FRMPD4: variants seen among roughly 807,000 people sequenced by gnomAD.
FRMPD4 encodes FERM and PDZ domain-containing protein 4.
FRMPD4 carries 22 observed loss-of-function variants against 94.1 expected under a neutral mutation model. The observed-to-expected ratio is 0.23, with a 90% CI of 0.17 to 0.33. The LOEUF (loss-of-function observed/expected upper bound fraction) is 0.33, where lower values mean the gene tolerates loss of function less well. FRMPD4 is among the 10% of genes least tolerant of loss of function. FRMPD4 has a pLI of 1.00. For missense variants in FRMPD4, 1,111 were observed against 1,339.9 expected (o/e 0.83, Z 2.67); for synonymous variants, 631 against 548.6 (o/e 1.15, Z -2.10).
chrX:12,708,007 A>C (rs897031282), intron 13 of FRMPD4, among the ~76,000 whole-genome samples: 18 of 112,076 alleles, frequency 1.6e-4, no homozygotes, highest in African/African-American at 5.8e-4. Context: ...ATCAAGAGGG[A>C]GATTTTTCCC....
intron 9 of FRMPD4, 139 bp from the exon 10 acceptor site, chrX:12,701,734 TG>T: frequency 1.8e-6 from 1 of 560,160 alleles, no homozygotes; most frequent in Non-Finnish European, 2.9e-6. Flanking sequence ...AGCAGCACGG[TG>T]GAGATGTTTC....
intron 1 of FRMPD4, among the ~76,000 whole-genome samples, chrX:11,844,988 C>T (rs1303857283): frequency 2.7e-5 from 3 of 111,629 alleles, no homozygotes; most frequent in Admixed American, 1.9e-4. Context: ...CTGTTGTGCC[C>T]GTCCGATGAA....
At chrX:12,336,808 G>A (rs147671882) in intron 1 of FRMPD4, among the ~76,000 whole-genome samples, 4 of 112,311 alleles carry the variant, frequency 3.6e-5, no homozygotes, top group African/African-American at 1.3e-4. Flanking sequence ...AAGCTTTTCT[G>A]TTTAGCTGCA....
chrX:12,118,751 A>G (rs6640901), intron 3 of FRMPD4, among the ~76,000 whole-genome samples: 8,813 of 111,868 alleles, frequency 0.079, 889 homozygotes, highest in East Asian at 0.59. Flanking sequence ...GAGATGTAGT[A>G]CATTTATATT....
intron 1 of FRMPD4, among the ~76,000 whole-genome samples, chrX:12,153,882 C>G (rs887677875): frequency 1.8e-5 from 2 of 112,421 alleles, no homozygotes; most frequent in African/African-American, 6.5e-5. Context: ...TATTTCATGA[C>G]ACATGAAAAT....
chrX:12,445,763 G>T (rs1218539560), intron 1 of FRMPD4, among the ~76,000 whole-genome samples: 1 of 112,058 alleles, frequency 8.9e-6, no homozygotes, highest in African/African-American at 3.2e-5. Context: ...TGGTAAGTGG[G>T]GTATTGTTAT....
chrX:12,679,885 G>T (rs1057245930), intron 5 of FRMPD4, among the ~76,000 whole-genome samples: 1 of 111,156 alleles, frequency 9.0e-6, no homozygotes, highest in Non-Finnish European at 1.9e-5. Flanking sequence ...TCACCTACCT[G>T]GGATTCCTGT....
chrX:12,408,437 A>G (rs369057194), intron 1 of FRMPD4, among the ~76,000 whole-genome samples: 3 of 111,027 alleles, frequency 2.7e-5, no homozygotes, highest in East Asian at 2.8e-4. Flanking sequence ...TAAGTTTTCA[A>G]TTGCACTTTG....
At chrX:12,619,480 A>G (rs187853220) in intron 4 of FRMPD4, among the ~76,000 whole-genome samples, 1 of 111,669 alleles carries the variant, frequency 9.0e-6, no homozygotes, top group East Asian at 2.8e-4. Context: ...GTAGGTCACT[A>G]AACCCTGGTG....
At chrX:12,478,212 G>A (rs2057627905) in intron 1 of FRMPD4, among the ~76,000 whole-genome samples, 1 of 111,309 alleles carries the variant, frequency 9.0e-6, no homozygotes, top group Non-Finnish European at 1.9e-5. Context: ...TCTGGAGTAG[G>A]CCAGGATGTT....
chrX:12,229,214 T>G (rs1225833335), intron 1 of FRMPD4, among the ~76,000 whole-genome samples: 1 of 111,743 alleles, frequency 8.9e-6, no homozygotes, highest in Non-Finnish European at 1.9e-5. Flanking sequence ...GTTGTTTGCT[T>G]TTTTTTCCCG....
At chrX:12,454,800 G>GT (rs1555968582) in intron 1 of FRMPD4, among the ~76,000 whole-genome samples, 1 of 94,597 alleles carries the variant, frequency 1.1e-5, no homozygotes, top group East Asian at 3.5e-4. Context: ...ATGAGGTTTG[G>GT]AGTTAGAAAG....
chrX:12,136,414 A>G (rs1023750409), upstream of FRMPD4, among the ~76,000 whole-genome samples: 2 of 111,385 alleles, frequency 1.8e-5, no homozygotes, highest in Non-Finnish European at 3.8e-5. Context: ...AGAAAAAAGA[A>G]TAAAACAGTT....
At chrX:12,164,627 A>T (rs1201598669) in intron 1 of FRMPD4, among the ~76,000 whole-genome samples, 1 of 112,171 alleles carries the variant, frequency 8.9e-6, no homozygotes, top group Non-Finnish European at 1.9e-5. Context: ...CGCCACACTG[A>T]CTTCCACAAG....
intron 1 of FRMPD4, among the ~76,000 whole-genome samples, chrX:12,197,947 C>A (rs1032776293): frequency 1.1e-4 from 12 of 111,788 alleles, no homozygotes; most frequent in African/African-American, 3.9e-4. Flanking sequence ...ATGTCTCAGT[C>A]CCATTTATAA....
At chrX:12,477,330 G>A (rs2057615169) in intron 1 of FRMPD4, among the ~76,000 whole-genome samples, 1 of 111,734 alleles carries the variant, frequency 8.9e-6, no homozygotes, top group African/African-American at 3.3e-5. Flanking sequence ...GGGAGGAATA[G>A]CATTAGGAGA....
intron 1 of FRMPD4, among the ~76,000 whole-genome samples, chrX:12,155,326 C>A (rs1017849888): frequency 2.7e-5 from 3 of 111,500 alleles, no homozygotes; most frequent in African/African-American, 9.8e-5. Context: ...ATCCTTATTG[C>A]TTTATGACCA....
At chrX:12,207,651 G>A (rs2056708415) in intron 1 of FRMPD4, among the ~76,000 whole-genome samples, 1 of 107,821 alleles carries the variant, frequency 9.3e-6, no homozygotes, top group African/African-American at 3.4e-5. Flanking sequence ...GTTTGTTGTG[G>A]CACACTGAGA....
chrX:11,944,595 C>T (rs1451843571), intron 3 of FRMPD4, among the ~76,000 whole-genome samples: 1 of 111,560 alleles, frequency 9.0e-6, no homozygotes, highest in Non-Finnish European at 1.9e-5. Flanking sequence ...AAAAACAGCC[C>T]TTTCAAAGAA....
Sources: allele counts gnomAD v4.1 joint callset (sites outside exome capture counted in the v4.1 genomes callset), GRCh38; gene constraint gnomAD v4.1.1; transcripts MANE v1.5; gene names NCBI Gene and HGNC (gene_info 2026-07-23, HGNC 2026-07-21).